The following FILIP1 variants were observed in gnomAD, a reference collection of about 807,000 sequenced individuals.
FILIP1 encodes filamin A interacting protein 1, also known as filamin-A-interacting protein 1.
In FILIP1, 61 loss-of-function variants were observed where a neutral mutation model predicts 102.1. That is an observed-to-expected ratio of 0.60 (90% confidence interval 0.49 to 0.74). FILIP1 has a LOEUF of 0.74. Ranked by LOEUF, FILIP1 falls within the 30% of genes least tolerant of loss-of-function variation. The probability of loss-of-function intolerance (pLI) is 0.00; values close to 1 mark genes in which losing one functional copy is unlikely to be tolerated. For synonymous variants in FILIP1, 491 were observed against 526.9 expected (o/e 0.93, Z 0.93); for missense variants, 1,314 against 1,441.2 (o/e 0.91, Z 1.43).
At chr6:75,489,226 T>C (rs1779885845) in intron 1 of FILIP1, among the ~76,000 whole-genome samples, 1 of 152,062 alleles carries the variant, frequency 6.6e-6, no homozygotes, top group Non-Finnish European at 1.5e-5. Context: ...TTCTTAGCCT[T>C]TTTAGTAATG....
At chr6:75,348,396 G>A (rs1027459620) in intron 4 of FILIP1, among the ~76,000 whole-genome samples, 1 of 152,130 alleles carries the variant, frequency 6.6e-6, no homozygotes, top group Non-Finnish European at 1.5e-5. Flanking sequence ...ATTATTAACA[G>A]TGCTAATTAA....
At chr6:75,337,188 G>C (rs540265076) in intron 4 of FILIP1, among the ~76,000 whole-genome samples, 1 of 152,262 alleles carries the variant, frequency 6.6e-6, no homozygotes, top group South Asian at 2.1e-4. Context: ...CATGTGGAAA[G>C]TATTATTGTG....
chr6:75,479,089 C>A (rs960821474), intron 1 of FILIP1, among the ~76,000 whole-genome samples: 1 of 152,162 alleles, frequency 6.6e-6, no homozygotes, highest in African/African-American at 2.4e-5. Flanking sequence ...ACAACCCTAT[C>A]CTAACAAGGT....
Position 75,313,823 on chromosome 6 carries a change from T to C in FILIP1, c.2009A>G (p.Glu670Gly). Residue 670 changes from glutamate (E) to glycine (G), a missense_variant, in exon 5 of 6, where the codon GAG (glutamate) becomes GGG (glycine). By Grantham distance (98) the Glu-to-Gly change is moderately conservative (BLOSUM62 -2). This residue lies in a region of FILIP1 where 816 missense variants were observed against 913.1 expected (regional missense o/e 0.89). Coordinates refer to ENST00000237172, the MANE Select transcript of FILIP1 (RefSeq NM_015687.5). The surrounding 1 kb of genome is among the most constrained non-coding windows in gnomAD (Gnocchi z 4.2). ...YDQLEQKFRTEQDKANFLSQQ... is the reference protein window; with the variant it reads ...YDQLEQKFRTGQDKANFLSQQ... Reference sequence around the variant, plus strand: ...AGAGAGGAAGTTAGCCTTATCCTGCTCAGTTCTAAATTTCTGTTCCAGCTG... The same window carrying C: ...AGAGAGGAAGTTAGCCTTATCCTGCCCAGTTCTAAATTTCTGTTCCAGCTG... 1 of 1,613,832 alleles carries C rather than the reference T, an allele frequency of 6.2e-7. No individual in the cohort carries two copies. Among genetic ancestry groups the C allele is most frequent in the Non-Finnish European group, 8.5e-7 (1 of 1,179,904 alleles).
chr6:75,466,128 C>T (rs536319962), intron 1 of FILIP1, among the ~76,000 whole-genome samples: 2 of 152,296 alleles, frequency 1.3e-5, no homozygotes, highest in African/African-American at 4.8e-5. Context: ...CATTCCCTGA[C>T]CATCCTATTT....
chr6:75,464,300 C>T (rs1257590377), intron 1 of FILIP1, among the ~76,000 whole-genome samples: 3 of 152,072 alleles, frequency 2.0e-5, no homozygotes, highest in African/African-American at 7.2e-5. Context: ...ATTTAAAGTA[C>T]AGTGATTTGG....
chr6:75,370,995 T>C (rs1775500605), intron 2 of FILIP1, among the ~76,000 whole-genome samples: 1 of 152,198 alleles, frequency 6.6e-6, no homozygotes, highest in South Asian at 2.1e-4. Flanking sequence ...CTCATACAAA[T>C]TGAATTATAC....
intron 1 of FILIP1, among the ~76,000 whole-genome samples, chr6:75,425,216 G>A (rs1777591014): frequency 1.3e-5 from 2 of 152,136 alleles, no homozygotes; most frequent in South Asian, 4.1e-4. Flanking sequence ...TTTATTTGAT[G>A]TTTAAAGATG....
intron 1 of FILIP1, among the ~76,000 whole-genome samples, chr6:75,441,620 C>G (rs1362209230): frequency 6.9e-6 from 1 of 144,622 alleles, no homozygotes; most frequent in African/African-American, 2.7e-5. Flanking sequence ...CTGACCCCCC[C>G]GACCTCCCTC....
intron 1 of FILIP1, among the ~76,000 whole-genome samples, chr6:75,450,014 C>G (rs1049783416): frequency 1.3e-5 from 2 of 152,094 alleles, no homozygotes; most frequent in African/African-American, 4.8e-5. Flanking sequence ...GCTTACTGTA[C>G]GGCAGCTTTT....
At chr6:75,470,857 G>C (rs1003406767) in intron 1 of FILIP1, among the ~76,000 whole-genome samples, 1 of 152,006 alleles carries the variant, frequency 6.6e-6, no homozygotes, top group Non-Finnish European at 1.5e-5. Flanking sequence ...AAAAGCAAAA[G>C]CCATAAAAGA....
At chr6:75,434,101 A>G (rs1455406909) in intron 1 of FILIP1, among the ~76,000 whole-genome samples, 1 of 152,136 alleles carries the variant, frequency 6.6e-6, no homozygotes, top group Admixed American at 6.5e-5. Flanking sequence ...GCCTTGTAGT[A>G]TAGTGTGAAG....
intron 1 of FILIP1, among the ~76,000 whole-genome samples, chr6:75,429,360 A>G (rs1308165674): frequency 6.6e-6 from 1 of 152,142 alleles, no homozygotes; most frequent in Non-Finnish European, 1.5e-5. Flanking sequence ...AACGTCCTGG[A>G]GAGGAATTGT....
intron 1 of FILIP1, among the ~76,000 whole-genome samples, chr6:75,470,216 G>T (rs748824783): frequency 1.1e-4 from 17 of 152,074 alleles, no homozygotes; most frequent in Admixed American, 3.3e-4. Context: ...AAGATAGCAA[G>T]AAACAAAAAC....
chr6:75,312,759 G>A lies in FILIP1; in HGVS notation c.3073C>T (p.Pro1025Ser), dbSNP rs757124319. The stretch of plus-strand genomic sequence containing the variant: ...CCCATGGGCATTTCCTGGGATTCGG[G>A]AGAAACTGCAATCTCAGCTGGTGCT... Reference protein sequence around the residue: ...SAAPAEIAVSPESQEMPMGRT... With the variant: ...SAAPAEIAVSSESQEMPMGRT... The change falls in exon 5 of 6, where the codon CCC becomes TCC. Residue 1025 changes from proline (P) to serine (S), a missense_variant. Coordinates refer to ENST00000237172, the MANE Select transcript of FILIP1 (RefSeq NM_015687.5). 2.8e-5 allele frequency: 46 copies of A among 1,614,086 alleles called. 2 individuals carry two copies. Among genetic ancestry groups the A allele is most frequent in the Middle Eastern group, 3.3e-4 (2 of 6,084 alleles).
chr6:75,326,279 A>G (rs1773862262), intron 4 of FILIP1, among the ~76,000 whole-genome samples: 1 of 152,206 alleles, frequency 6.6e-6, no homozygotes, highest in Non-Finnish European at 1.5e-5. Flanking sequence ...GTTCTCACTT[A>G]TAAGTGAGAT....
chr6:75,471,908 G>C (rs575488513), intron 1 of FILIP1, among the ~76,000 whole-genome samples: 1 of 152,168 alleles, frequency 6.6e-6, no homozygotes, highest in Non-Finnish European at 1.5e-5. Flanking sequence ...TGTTAACAGT[G>C]ACTATTTCTA....
At position 75,297,058 on chromosome 6, in the gene FILIP1, A is replaced by C. The variant is rs985815114; in HGVS notation, c.3494-1108T>G. ...GATTATACACAGCAGGGGAAAGAAA[A>C]TATTCAAACTTCAAATAGTTTCTTC... On this transcript the variant is annotated intron_variant, in intron 6 of 6. Coordinates refer to the FILIP1 transcript ENST00000393004. The C allele has an allele frequency of 2.6e-5, 4 of 152,276 alleles. No homozygotes were observed. In the South Asian group the frequency reaches 8.3e-4, roughly 32 times the overall value. The allele number at this position is 152,276 out of a possible 1,614,324, so 9.4% of individuals were successfully genotyped here.
At chr6:75,465,438 AC>A in intron 1 of FILIP1, 5 of 837,078 alleles carry the variant, frequency 6.0e-6, no homozygotes, top group Admixed American at 2.1e-5. Flanking sequence ...CATTTCACTG[AC>A]CCATATCAAT....
Sources: allele counts gnomAD v4.1 joint callset (sites outside exome capture counted in the v4.1 genomes callset), GRCh38; gene constraint gnomAD v4.1.1; regional missense constraint gnomAD v4.1.1; non-coding constraint Gnocchi (gnomAD v3.1); transcripts MANE v1.5; gene names NCBI Gene and HGNC (gene_info 2026-07-23, HGNC 2026-07-21).